RGS7: variants seen among roughly 807,000 people sequenced by gnomAD.
RGS7 encodes the protein regulator of G-protein signaling 7.
A neutral mutation model predicts 81.1 loss-of-function variants in RGS7; 27 were observed. The ratio of observed to expected loss-of-function variants is 0.33; its 90% CI spans 0.25 to 0.46. The LOEUF (loss-of-function observed/expected upper bound fraction) is 0.46. Among genes scored for constraint, RGS7 ranks in the 20% least tolerant of loss-of-function variants. The pLI is 1.00. For missense variants in RGS7, 396 were observed against 607.4 expected (o/e 0.65, Z 3.66); for synonymous variants, 208 against 207.7 (o/e 1.00, Z -0.01).
At chr1:240,979,041 A>G (rs1456870556) in intron 4 of RGS7, among the ~76,000 whole-genome samples, 1 of 152,210 alleles carries the variant, frequency 6.6e-6, no homozygotes, top group African/African-American at 2.4e-5. Context: ...TTATATTTTG[A>G]ATTTCAAGGA....
At chr1:241,138,832 A>T (rs1338600903) in intron 2 of RGS7, among the ~76,000 whole-genome samples, 1 of 152,116 alleles carries the variant, frequency 6.6e-6, no homozygotes, top group Non-Finnish European at 1.5e-5. Context: ...TTTTTAAAAA[A>T]TATAACAAAT....
intron 2 of RGS7, among the ~76,000 whole-genome samples, chr1:241,176,641 C>T (rs1324086815): frequency 6.6e-6 from 1 of 152,070 alleles, no homozygotes; most frequent in African/African-American, 2.4e-5. Context: ...AAAGATGCTG[C>T]ATTTGGGGTA....
intron 3 of RGS7, among the ~76,000 whole-genome samples, chr1:241,048,180 C>T (rs1242618239): frequency 2.6e-5 from 4 of 152,108 alleles, no homozygotes; most frequent in Non-Finnish European, 5.9e-5. Flanking sequence ...CCTGTGTTGT[C>T]ACCTTATTTC....
chr1:241,203,494 T>A (rs1445309218), intron 2 of RGS7, among the ~76,000 whole-genome samples: 1 of 152,150 alleles, frequency 6.6e-6, no homozygotes, highest in Non-Finnish European at 1.5e-5. Context: ...GCTCCCAAAG[T>A]GCTGGGATTA....
rs768987 is a variant in RGS7 at position 240,861,440 on chromosome 1, C to A, written c.609+7147G>T. ...ACTCTAAAATTATGAATCTCATTTT[C>A]TATCCAGTGATTGCCTTTTCTCCAT... On this transcript the variant is annotated intron_variant, in intron 9 of 18. Coordinates refer to ENST00000440928, the MANE Select transcript of RGS7 (RefSeq NM_001364886.1). 7.8e-3 allele frequency among the ~76,000 whole-genome samples: 1,180 copies of A among 152,252 alleles called. 21 individuals are homozygous for A. Among genetic ancestry groups the A allele is most frequent in the African/African-American group, 0.027 (1,125 of 41,554 alleles).
chr1:240,864,809 A>C (rs183599054), intron 9 of RGS7, among the ~76,000 whole-genome samples: 2 of 152,284 alleles, frequency 1.3e-5, no homozygotes, highest in Admixed American at 1.3e-4. Flanking sequence ...TGGCTATGGG[A>C]GTGGTCTTCA....
Position 240,868,554 on chromosome 1 carries a change from T to G in RGS7, c.609+33A>C. The G allele has an allele frequency of 3.1e-6, 5 of 1,601,678 alleles. No homozygotes were observed. Among genetic ancestry groups the G allele is most frequent in the Non-Finnish European group, 3.4e-6 (4 of 1,168,768 alleles). On this transcript the variant is annotated intron_variant, in intron 9 of 18. Coordinates refer to ENST00000440928, the MANE Select transcript of RGS7 (RefSeq NM_001364886.1). The surrounding 1 kb of genome is among the most constrained non-coding windows in gnomAD (Gnocchi z 5.1). ...CCTCACTTCCCACAGACGGAGAAGA[T>G]GGATTCAAGACGAGAGTGCGACGCT...
rs572607799 is a variant in RGS7, at chr1:240,875,224, T to C, written c.386-5105A>G. 5.9e-5 allele frequency among the ~76,000 whole-genome samples: 9 copies of C among 152,314 alleles called. No homozygotes were observed. In the South Asian group the frequency reaches 1.4e-3, roughly 25 times the overall value. On this transcript the variant is annotated intron_variant, in intron 6 of 18. Transcript: ENST00000440928. ...CCCCAGGCCCTGGTAATCACCATTC[T>C]ACTTTTTGCTTCTATGAGATAAACT...
intron 2 of RGS7, among the ~76,000 whole-genome samples, chr1:241,318,964 C>T (rs574242156): frequency 3.4e-4 from 51 of 152,166 alleles, no homozygotes; most frequent in Admixed American, 2.9e-3. Context: ...GATGATCAAA[C>T]GAAGGATACT....
intron 4 of RGS7, among the ~76,000 whole-genome samples, chr1:240,967,046 G>A (rs1427833519): frequency 4.6e-5 from 7 of 152,114 alleles, no homozygotes; most frequent in Non-Finnish European, 7.4e-5. Flanking sequence ...CTCAGACTTC[G>A]GGAAATGTCC....
chr1:241,168,779 CGA>C (rs1328142345), intron 2 of RGS7, among the ~76,000 whole-genome samples: 1 of 151,690 alleles, frequency 6.6e-6, no homozygotes, highest in Non-Finnish European at 1.5e-5. Flanking sequence ...ATAGAGAGAG[CGA>C]GAGAGAGAGA....
At chr1:240,922,954 A>G (rs1673824717) in intron 6 of RGS7, among the ~76,000 whole-genome samples, 1 of 152,142 alleles carries the variant, frequency 6.6e-6, no homozygotes. Context: ...GGAATTGATT[A>G]AGATGTTCTT....
rs1299688446 is a variant in RGS7 at position 241,271,039 on chromosome 1, C to T, written c.78+84660G>A. ...CCCAAAGTGCTGGGATTCCAGGTCC[C>T]ATCCCTTTTAATTTCTGCACGGGCC... On this transcript the variant is annotated intron_variant, in intron 2 of 18. Coordinates refer to ENST00000440928, the MANE Select transcript of RGS7 (RefSeq NM_001364886.1). The surrounding 1 kb of genome is among the most constrained non-coding windows in gnomAD (Gnocchi z 4.6). 6.6e-6 allele frequency among the ~76,000 whole-genome samples: 1 copy of T among 152,158 alleles called. No homozygotes were observed. The highest frequency in any genetic ancestry group is 6.5e-5 in the Admixed American group (1 of 15,272).
At chr1:241,055,852 T>A (rs2061452157) in intron 3 of RGS7, among the ~76,000 whole-genome samples, 1 of 152,214 alleles carries the variant, frequency 6.6e-6, no homozygotes, top group African/African-American at 2.4e-5. Flanking sequence ...ACCAGTCATT[T>A]CCTTTGCATA....
intron 2 of RGS7, among the ~76,000 whole-genome samples, chr1:241,343,883 A>C (rs140870074): frequency 0.01 from 1,560 of 152,142 alleles, 18 homozygotes; most frequent in Non-Finnish European, 0.013. Flanking sequence ...ATAGAAAAAC[A>C]AAAAAAAGAA....
At chr1:241,113,863 GTCT>G (rs764370708) in intron 2 of RGS7, among the ~76,000 whole-genome samples, 65 of 152,292 alleles carry the variant, frequency 4.3e-4, no homozygotes, top group South Asian at 1.2e-3. Context: ...GAAATGAGGT[GTCT>G]TCTTTTCTCT....
chr1:240,965,438 T>A (rs959809480), intron 4 of RGS7, among the ~76,000 whole-genome samples: 3 of 152,232 alleles, frequency 2.0e-5, no homozygotes, highest in African/African-American at 4.8e-5. Context: ...TACAGAAGTG[T>A]CCCCAACCAC....
At chr1:241,338,477 A>G (rs947155910) in intron 2 of RGS7, among the ~76,000 whole-genome samples, 4 of 152,130 alleles carry the variant, frequency 2.6e-5, no homozygotes, top group African/African-American at 7.2e-5. Flanking sequence ...CACATGAGGA[A>G]CCAATTTCCA....
intron 2 of RGS7, among the ~76,000 whole-genome samples, chr1:241,171,126 A>C (rs1410089956): frequency 6.6e-6 from 1 of 152,222 alleles, no homozygotes; most frequent in Non-Finnish European, 1.5e-5. Flanking sequence ...GTTCTATTTA[A>C]AACGGAAAGA....
Sources: gnomAD v4.1 joint callset for allele counts (sites outside exome capture counted in the v4.1 genomes callset) on GRCh38, gnomAD v4.1.1 for gene constraint, Gnocchi (gnomAD v3.1) non-coding constraint, MANE v1.5 for transcripts, NCBI Gene and HGNC (gene_info 2026-07-23, HGNC 2026-07-21) for gene names.